NELL2: variants seen among roughly 807,000 people sequenced by gnomAD.
NELL2 encodes protein kinase C-binding protein NELL2.
Under a neutral mutation model 109.6 loss-of-function variants are expected in NELL2, and 41 were observed. The ratio of observed to expected loss-of-function variants is 0.37; its 90% CI spans 0.29 to 0.49. The LOEUF (loss-of-function observed/expected upper bound fraction) is 0.49. Among genes scored for constraint, NELL2 ranks in the 20% least tolerant of loss-of-function variants. The pLI is 0.98. For synonymous variants in NELL2, 355 were observed against 344.7 expected (o/e 1.03, Z -0.33); for missense variants, 900 against 1,008.3 (o/e 0.89, Z 1.45).
chr12:44,696,031 C>G (rs1288352574), intron 12 of NELL2, among the ~76,000 whole-genome samples: 1 of 152,030 alleles, frequency 6.6e-6, no homozygotes, highest in Non-Finnish European at 1.5e-5. Context: ...TTAAATGCCT[C>G]CAAAGAACCA....
At chr12:44,634,473 T>A (rs1317747869) in intron 13 of NELL2, among the ~76,000 whole-genome samples, 1 of 152,164 alleles carries the variant, frequency 6.6e-6, no homozygotes, top group Non-Finnish European at 1.5e-5. Context: ...GTTTCCAACT[T>A]CATCCATGTC....
At chr12:44,547,052 A>G (rs1304427826) in intron 15 of NELL2, among the ~76,000 whole-genome samples, 1 of 152,166 alleles carries the variant, frequency 6.6e-6, no homozygotes, top group Admixed American at 6.5e-5. Flanking sequence ...GAGACATGAT[A>G]TGGGGTACCT....
At chr12:44,714,000 T>A (rs536255347) in intron 10 of NELL2, among the ~76,000 whole-genome samples, 1 of 151,918 alleles carries the variant, frequency 6.6e-6, no homozygotes, top group Non-Finnish European at 1.5e-5. Context: ...TCATATAGAA[T>A]AAGGATTTTA....
chr12:44,876,948 A>C, upstream of NELL2: 24 of 1,186,386 alleles, frequency 2.0e-5, no homozygotes, highest in Non-Finnish European at 2.5e-5. Flanking sequence ...CCCGGCGCGG[A>C]GAGCTTCCCG....
intron 11 of NELL2, among the ~76,000 whole-genome samples, chr12:44,706,911 T>C (rs530452530): frequency 1.4e-4 from 21 of 152,224 alleles, no homozygotes; most frequent in African/African-American, 4.8e-4. Flanking sequence ...GTAGAACTTT[T>C]GGTAAAATAT....
At chr12:44,523,543 T>C in intron 16 of NELL2, 59 bp from the exon 17 acceptor site, 1 of 1,470,520 alleles carries the variant, frequency 6.8e-7, no homozygotes, top group South Asian at 1.1e-5. Context: ...TTCAAACAAC[T>C]GCAATCAGGC....
chr12:44,765,864 C>A (rs995260180), intron 9 of NELL2, among the ~76,000 whole-genome samples: 2 of 152,166 alleles, frequency 1.3e-5, no homozygotes, highest in Non-Finnish European at 2.9e-5. Flanking sequence ...GTGGCTCACG[C>A]CTGTAATCTG....
intron 2 of NELL2, among the ~76,000 whole-genome samples, chr12:44,824,592 T>G (rs1943378199): frequency 6.6e-6 from 1 of 152,112 alleles, no homozygotes; most frequent in Admixed American, 6.5e-5. Context: ...CTATAACTAT[T>G]CTGTTTCATT....
intron 3 of NELL2, among the ~76,000 whole-genome samples, chr12:44,780,784 G>A (rs367788629): frequency 6.6e-6 from 1 of 152,042 alleles, no homozygotes; most frequent in Non-Finnish European, 1.5e-5. Context: ...ATAGGAAGCT[G>A]AAACTTCCCC....
Position 44,779,884 on chromosome 12 carries a change from A to T in NELL2, c.474T>A (p.Ser158Arg). ...CAATGTGTAAAATCAAATGGGAAGC[A>T]CTGATGGCTAAGGAGAGCTTGTGCC... ...DKWHKLSLAI[S>R]ASHLILHIDC... Residue 158 changes from serine to arginine, a missense_variant, in exon 4 of 20, where the codon AGT (serine) becomes AGA (arginine). Ser to Arg is a moderately radical substitution (Grantham distance 110). Around this residue, in one of 4 missense-constraint regions of NELL2, gnomAD observed 200 missense variants for 191.8 expected, o/e 1.04. Coordinates refer to ENST00000429094, the MANE Select transcript of NELL2 (RefSeq NM_001145108.2). The T allele has an allele frequency of 6.2e-7, 1 of 1,613,928 alleles. No individual in the cohort carries two copies. Among genetic ancestry groups the T allele is most frequent in the Non-Finnish European group, 8.5e-7 (1 of 1,179,816 alleles).
intron 15 of NELL2, among the ~76,000 whole-genome samples, chr12:44,555,066 C>A (rs924666952): frequency 6.6e-6 from 1 of 152,188 alleles, no homozygotes; most frequent in Non-Finnish European, 1.5e-5. Flanking sequence ...GTCATGGAGT[C>A]ATTCTTCGTA....
At chr12:44,622,695 AC>A (rs879617918) in intron 13 of NELL2, among the ~76,000 whole-genome samples, 1 of 152,166 alleles carries the variant, frequency 6.6e-6, no homozygotes, top group Non-Finnish European at 1.5e-5. Context: ...CTACTTTCTG[AC>A]CTTTAATCTT....
chr12:44,746,870 C>G (rs941046013), intron 9 of NELL2, among the ~76,000 whole-genome samples: 2 of 152,146 alleles, frequency 1.3e-5, no homozygotes, highest in Admixed American at 1.3e-4. Context: ...ACTAGTTCAA[C>G]CATTGTGGAA....
chr12:44,613,567 A>C (rs941879658), intron 13 of NELL2, among the ~76,000 whole-genome samples: 1 of 152,120 alleles, frequency 6.6e-6, no homozygotes, highest in Non-Finnish European at 1.5e-5. Flanking sequence ...TTAAGATATT[A>C]GGACATCTTT....
chr12:44,598,041 C>G (rs903775086), intron 15 of NELL2, among the ~76,000 whole-genome samples: 1 of 151,446 alleles, frequency 6.6e-6, no homozygotes, highest in Non-Finnish European at 1.5e-5. Context: ...CTGTCATTCA[C>G]AAATTTGATT....
upstream of NELL2, among the ~76,000 whole-genome samples, chr12:44,918,689 C>A (rs1267566862): frequency 6.6e-6 from 1 of 152,142 alleles, no homozygotes; most frequent in Admixed American, 6.6e-5. Context: ...AAGACTCATT[C>A]TTCCACCCTT....
chr12:44,566,904 C>T (rs1200540653), intron 15 of NELL2, among the ~76,000 whole-genome samples: 3 of 152,030 alleles, frequency 2.0e-5, no homozygotes, highest in East Asian at 1.9e-4. Context: ...ATCCACCTCT[C>T]GGGTTCAAGC....
intron 2 of NELL2, among the ~76,000 whole-genome samples, chr12:44,859,370 C>CTACCCAACATGGTGAAACCCT (rs1944772437): frequency 6.6e-6 from 1 of 152,028 alleles, no homozygotes; most frequent in Non-Finnish European, 1.5e-5. Flanking sequence ...GGTGAAACCC[C>CTACCCAACATGGTGAAACCCT]GTCTCCACAA....
intron 8 of NELL2, among the ~76,000 whole-genome samples, chr12:44,775,051 C>G (rs1941697335): frequency 6.6e-6 from 1 of 152,196 alleles, no homozygotes; most frequent in African/African-American, 2.4e-5. Context: ...GAATTTGATT[C>G]CTAAAGGTGG....
Sources: allele counts gnomAD v4.1 joint callset (sites outside exome capture counted in the v4.1 genomes callset), GRCh38; gene constraint gnomAD v4.1.1; regional missense constraint gnomAD v4.1.1; transcripts MANE v1.5; gene names NCBI Gene and HGNC (gene_info 2026-07-23, HGNC 2026-07-21).